Variants in SLC17A6 observed in about 807,000 individuals in gnomAD.
The protein encoded by SLC17A6 is vesicular glutamate transporter 2.
Under a neutral mutation model 67.1 loss-of-function variants are expected in SLC17A6, and 35 were observed. The ratio of observed to expected loss-of-function variants is 0.52; its 90% CI spans 0.40 to 0.69. The LOEUF (loss-of-function observed/expected upper bound fraction) is 0.69, where lower values mean the gene tolerates loss of function less well. Ranked by LOEUF, SLC17A6 falls within the 30% of genes least tolerant of loss-of-function variation. SLC17A6 has a pLI of 0.00. For synonymous variants in SLC17A6, 285 were observed against 252.3 expected (o/e 1.13, Z -1.23); for missense variants, 588 against 723.9 (o/e 0.81, Z 2.15).
At chr11:22,367,962 A>C in intron 7 of SLC17A6, among the ~76,000 whole-genome samples, 1 of 152,224 alleles carries the variant, frequency 6.6e-6, no homozygotes, top group East Asian at 1.9e-4. Flanking sequence ...GAGTGAATTT[A>C]ATATACAGCA....
At chr11:22,344,940 C>A (rs948450738) in intron 3 of SLC17A6, among the ~76,000 whole-genome samples, 27 of 151,798 alleles carry the variant, frequency 1.8e-4, no homozygotes, top group Non-Finnish European at 3.8e-4. Flanking sequence ...CAGAAAGATA[C>A]CCTAAACATA....
chr11:22,339,143 TTATATATAGTTATATATATATGTTA>T (rs1855778652), intron 1 of SLC17A6, among the ~76,000 whole-genome samples: 3 of 6,938 alleles, frequency 4.3e-4, no homozygotes, highest in East Asian at 0.014. Flanking sequence ...TATATATATG[TTATATATAGTTATATATATATGTTA>T]TATATATATG....
At chr11:22,343,697 C>T (rs1564978387) in intron 3 of SLC17A6, among the ~76,000 whole-genome samples, 1 of 152,142 alleles carries the variant, frequency 6.6e-6, no homozygotes, top group Non-Finnish European at 1.5e-5. Context: ...GGACAGTGCG[C>T]CTGAGTGCAC....
chr11:22,359,586 T>C, intron 4 of SLC17A6, 59 bp downstream of exon 4: 1 of 1,034,158 alleles, frequency 9.7e-7, no homozygotes, highest in Non-Finnish European at 1.4e-6. Flanking sequence ...AACCACCAGT[T>C]TATCTTTGTC....
chr11:22,351,169 T>C (rs1032855200), intron 3 of SLC17A6, among the ~76,000 whole-genome samples: 2 of 152,160 alleles, frequency 1.3e-5, no homozygotes, highest in African/African-American at 2.4e-5. Flanking sequence ...ATAATAAGTA[T>C]ATATATCACA....
At chr11:22,349,727 T>C (rs530596244) in intron 3 of SLC17A6, among the ~76,000 whole-genome samples, 6 of 152,268 alleles carry the variant, frequency 3.9e-5, no homozygotes, top group African/African-American at 1.2e-4. Context: ...ATGAAGTCAT[T>C]TTTACAACTT....
At chr11:22,342,565 T>G (rs1855828875) in intron 2 of SLC17A6, among the ~76,000 whole-genome samples, 1 of 152,126 alleles carries the variant, frequency 6.6e-6, no homozygotes. Flanking sequence ...CCAGTTTACC[T>G]TGAGGTTCCC....
At chr11:22,370,315 C>G in intron 8 of SLC17A6, 127 bp downstream of exon 8, 1 of 755,296 alleles carries the variant, frequency 1.3e-6, no homozygotes, top group Non-Finnish European at 2.1e-6. Context: ...AAACAAATAA[C>G]TGCTAGGAAA....
At chr11:22,366,275 A>C (rs1175883611) in intron 7 of SLC17A6, among the ~76,000 whole-genome samples, 3 of 151,294 alleles carry the variant, frequency 2.0e-5, no homozygotes, top group African/African-American at 2.4e-5. Context: ...TGCCCCCCCC[A>C]CCCTGTAAAA....
chr11:22,348,897 T>A (rs942590029), intron 3 of SLC17A6, among the ~76,000 whole-genome samples: 1 of 152,236 alleles, frequency 6.6e-6, no homozygotes, highest in African/African-American at 2.4e-5. Context: ...TATCTTCATG[T>A]GTTAAGCCCA....
chr11:22,350,012 A>G (rs766236702), intron 3 of SLC17A6, among the ~76,000 whole-genome samples: 5 of 152,200 alleles, frequency 3.3e-5, no homozygotes, highest in Non-Finnish European at 5.9e-5. Context: ...CATCATCTGT[A>G]GAAGTGACAA....
intron 3 of SLC17A6, among the ~76,000 whole-genome samples, chr11:22,358,952 A>G (rs1237851897): frequency 3.3e-5 from 5 of 152,186 alleles, no homozygotes; most frequent in African/African-American, 1.2e-4. Flanking sequence ...AATGTGAGGA[A>G]TAACTTTATT....
intron 6 of SLC17A6, 112 bp from the exon 7 acceptor site, chr11:22,365,435 C>T (rs1856100469): frequency 2.4e-6 from 3 of 1,246,966 alleles, no homozygotes; most frequent in Non-Finnish European, 3.5e-6. Flanking sequence ...GAAACATAAG[C>T]TTGAATTCTT....
At chr11:22,369,592 T>G (rs1356682032) in intron 7 of SLC17A6, among the ~76,000 whole-genome samples, 1 of 152,038 alleles carries the variant, frequency 6.6e-6, no homozygotes, top group Non-Finnish European at 1.5e-5. Flanking sequence ...CTTAAGATTT[T>G]GTATCTTTCT....
At chr11:22,341,882 G>T (rs1211791251) in intron 2 of SLC17A6, 102 bp downstream of exon 2, 1 of 1,500,814 alleles carries the variant, frequency 6.7e-7, no homozygotes. Context: ...TGAGAGGAAG[G>T]TTTGGGTGCT....
rs1183903890 is a variant in SLC17A6, at chr11:22,377,831, A to G, written c.*91A>G. 5.7e-6 allele frequency: 6 copies of G among 1,055,690 alleles called. No individual in the cohort carries two copies. In the African/African-American group the frequency reaches 8.1e-5, roughly 14 times the overall value. 65.4% of individuals were successfully genotyped at this position (1,055,690 alleles called of 1,614,324 possible). On this transcript the variant is annotated 3_prime_UTR_variant, in exon 12 of 12. Transcript: ENST00000263160. Reference sequence around the variant, plus strand: ...TTAAAAACACGTGATGTAAACTTGCAAGCATATCAACCAGGCAAGTCTTGC... The same window carrying G: ...TTAAAAACACGTGATGTAAACTTGCGAGCATATCAACCAGGCAAGTCTTGC...
chr11:22,362,003 C>T (rs920885341), intron 5 of SLC17A6, among the ~76,000 whole-genome samples: 1 of 151,846 alleles, frequency 6.6e-6, no homozygotes, highest in Non-Finnish European at 1.5e-5. Context: ...TAAATATTGC[C>T]ATTTCTGTCT....
At chr11:22,362,384 C>T (rs747836691) in intron 5 of SLC17A6, 7 of 336,514 alleles carry the variant, frequency 2.1e-5, no homozygotes, top group East Asian at 1.5e-4. Context: ...TGCTTGAGGT[C>T]GCAAGAATAG....
chr11:22,369,362 T>C (rs1856147909), intron 7 of SLC17A6, among the ~76,000 whole-genome samples: 1 of 152,016 alleles, frequency 6.6e-6, no homozygotes, highest in African/African-American at 2.4e-5. Flanking sequence ...TTTGAATATT[T>C]TAAGTAACTA....
Sources: allele counts gnomAD v4.1 joint callset (sites outside exome capture counted in the v4.1 genomes callset), GRCh38; gene constraint gnomAD v4.1.1; transcripts MANE v1.5; gene names NCBI Gene and HGNC (gene_info 2026-07-23, HGNC 2026-07-21).